Variants in DLGAP1 observed in about 807,000 individuals in gnomAD.
DLGAP1 encodes the protein DLG associated protein 1, also known as disks large-associated protein 1.
In DLGAP1, 11 loss-of-function variants were observed where a neutral mutation model predicts 90.8. The observed-to-expected ratio is 0.12, with a 90% confidence interval of 0.08 to 0.20. The LOEUF is 0.20. DLGAP1 is among the 10% of genes least tolerant of loss of function. The probability of loss-of-function intolerance (pLI) is 1.00; values close to 1 mark genes in which losing one functional copy is unlikely to be tolerated. For synonymous variants in DLGAP1, 558 were observed against 540.7 expected, an observed-to-expected ratio of 1.03 and a Z score of -0.44; for missense variants, 1,050 against 1,333.8, an observed-to-expected ratio of 0.79 and a Z score of 3.31.
At chr18:3,723,778 G>C (rs1245730034) in intron 7 of DLGAP1, among the ~76,000 whole-genome samples, 1 of 152,164 alleles carries the variant, frequency 6.6e-6, no homozygotes, top group Non-Finnish European at 1.5e-5. Context: ...GAGCTGCCAG[G>C]AATGGGGGAG....
chr18:3,953,299 T>C (rs76459145), intron 3 of DLGAP1, among the ~76,000 whole-genome samples: 24,668 of 152,130 alleles, frequency 0.16, 2,118 homozygotes, highest in Middle Eastern at 0.22. Context: ...GACCATTGCA[T>C]GCAATAGGTA....
At chr18:4,331,633 A>G (rs895136363) in intron 1 of DLGAP1, among the ~76,000 whole-genome samples, 1 of 151,664 alleles carries the variant, frequency 6.6e-6, no homozygotes, top group Non-Finnish European at 1.5e-5. Flanking sequence ...ATTCCTCCCC[A>G]TGACCAAGAA....
At chr18:4,000,141 C>T (rs1276367605) in intron 3 of DLGAP1, among the ~76,000 whole-genome samples, 1 of 152,096 alleles carries the variant, frequency 6.6e-6, no homozygotes, top group East Asian at 1.9e-4. Context: ...AATGTTTGTG[C>T]TATTTTGTTC....
chr18:4,266,724 A>G (rs2079138386), intron 1 of DLGAP1, among the ~76,000 whole-genome samples: 1 of 152,222 alleles, frequency 6.6e-6, no homozygotes, highest in Non-Finnish European at 1.5e-5. Context: ...ATTTGGGTAA[A>G]TTTCAGATGA....
intron 1 of DLGAP1, among the ~76,000 whole-genome samples, chr18:4,155,890 G>A (rs552005770): frequency 2.0e-5 from 3 of 152,130 alleles, no homozygotes; most frequent in Non-Finnish European, 4.4e-5. Flanking sequence ...CAGTACATAG[G>A]AGAGGTCAGG....
In DLGAP1 at chr18:3,569,059, G is replaced by C. The variant is rs187715312; in HGVS notation, c.1966-1478C>G. On this transcript the variant is annotated intron_variant, in intron 8 of 12. Transcript: ENST00000315677. ...ACTCTGTCCCCCAGGCTAGAGTGCA[G>C]TGGCGCAATCTCAGCTCCTGCAACC... Among the ~76,000 whole-genome samples the C allele has an allele frequency of 2.4e-4, 36 of 151,658 alleles. 2 individuals are homozygous for C. The East Asian group carries it at 7.0e-3, about 29-fold the overall frequency.
At chr18:3,523,144 A>G (rs1022225513) in intron 10 of DLGAP1, among the ~76,000 whole-genome samples, 4 of 151,356 alleles carry the variant, frequency 2.6e-5, no homozygotes, top group East Asian at 3.9e-4. Context: ...ACGCTGAGGT[A>G]GGTGGATCAC....
chr18:3,920,041 G>A (rs1157080575), intron 3 of DLGAP1, among the ~76,000 whole-genome samples: 2 of 152,126 alleles, frequency 1.3e-5, no homozygotes, highest in African/African-American at 4.8e-5. Context: ...ATGTAAAAAA[G>A]CATTTTAAAA....
At chr18:3,843,992 T>C (rs1278126893) in intron 4 of DLGAP1, among the ~76,000 whole-genome samples, 1 of 152,176 alleles carries the variant, frequency 6.6e-6, no homozygotes, top group Non-Finnish European at 1.5e-5. Context: ...GAAAGACATA[T>C]GAAATGTGAA....
chr18:3,883,352 T>TA (rs2071230172), intron 3 of DLGAP1, among the ~76,000 whole-genome samples: 1 of 152,242 alleles, frequency 6.6e-6, no homozygotes. Flanking sequence ...CCATGAGACA[T>TA]ACTGCATCTG....
intron 1 of DLGAP1, among the ~76,000 whole-genome samples, chr18:4,191,011 A>G (rs1347281791): frequency 2.6e-5 from 4 of 152,160 alleles, no homozygotes; most frequent in Admixed American, 2.6e-4. Flanking sequence ...TAATCCCTTA[A>G]TTTAGAAAGA....
Position 3,870,662 on chromosome 18 carries a change from T to A in DLGAP1, c.957+8450A>T, listed in dbSNP as rs573338721. On this transcript the variant is annotated intron_variant, in intron 4 of 12. Coordinates refer to ENST00000315677, the MANE Select transcript of DLGAP1 (RefSeq NM_004746.4). ...TATCTATCTATCTATCAAATAAAGT[T>A]TGGCCTTTGCAAATATGGTAACAGC... is the stretch of plus-strand genomic sequence containing the variant. 2.6e-5 allele frequency among the ~76,000 whole-genome samples: 4 copies of A among 151,254 alleles called. No homozygotes were observed. The South Asian group carries it at 6.3e-4, about 24-fold the overall frequency.
chr18:3,900,550 A>G (rs2071758528), intron 3 of DLGAP1, among the ~76,000 whole-genome samples: 1 of 152,238 alleles, frequency 6.6e-6, no homozygotes, highest in Non-Finnish European at 1.5e-5. Context: ...GTGAGCGCTC[A>G]GTAAACCCTG....
intron 1 of DLGAP1, among the ~76,000 whole-genome samples, chr18:4,219,993 A>G (rs900556461): frequency 1.3e-5 from 2 of 151,902 alleles, no homozygotes; most frequent in African/African-American, 2.4e-5. Flanking sequence ...AAATTTTAGG[A>G]CTGTTTTTTC....
At chr18:3,742,279 C>T in intron 6 of DLGAP1, 56 bp downstream of exon 6, 1 of 1,586,686 alleles carries the variant, frequency 6.3e-7, no homozygotes, top group Non-Finnish European at 8.6e-7. Flanking sequence ...TCTCAATTCT[C>T]ACTAACCTTC....
intron 1 of DLGAP1, among the ~76,000 whole-genome samples, chr18:4,359,746 G>C (rs770183129): frequency 1.3e-5 from 2 of 152,162 alleles, no homozygotes; most frequent in Non-Finnish European, 2.9e-5. Flanking sequence ...GGCAGGCAGA[G>C]AGAGAAGGGT....
At position 4,369,465 on chromosome 18, in the gene DLGAP1, C is replaced by CT. The variant is rs946500750; in HGVS notation, c.-267+85540dup. Among the ~76,000 whole-genome samples, 75 of 151,526 alleles carry CT rather than the reference C, an allele frequency of 4.9e-4. 1 individual carries two copies. The highest frequency in any genetic ancestry group is 1.6e-3 in the African/African-American group (68 of 41,344). ...GCCTTCGTTACCACAACTGTTATTT[C>CT]TTTTTTTTTAAATTTAAATAACTTA... On this transcript the variant is annotated intron_variant, in intron 1 of 12. Transcript: ENST00000315677.
intron 8 of DLGAP1, among the ~76,000 whole-genome samples, chr18:3,568,836 G>A (rs371291911): frequency 7.2e-5 from 11 of 151,896 alleles, no homozygotes; most frequent in Admixed American, 2.6e-4. Context: ...ACAGGTGCCC[G>A]CCACCACGCC....
At chr18:4,081,662 C>G (rs77031271) in intron 2 of DLGAP1, among the ~76,000 whole-genome samples, 4,287 of 152,296 alleles carry the variant, frequency 0.028, 97 homozygotes, top group Middle Eastern at 0.068. Flanking sequence ...ATTAACTTAA[C>G]TCATATTGGA....
Sources: allele counts gnomAD v4.1 joint callset (sites outside exome capture counted in the v4.1 genomes callset), GRCh38; gene constraint gnomAD v4.1.1; transcripts MANE v1.5; gene names NCBI Gene and HGNC (gene_info 2026-07-23, HGNC 2026-07-21).